MICAL3: variants seen among roughly 807,000 people sequenced by gnomAD.
The protein encoded by MICAL3 is microtubule associated monooxygenase, calponin and LIM domain containing 3.
In MICAL3, 62 loss-of-function variants were observed where a neutral mutation model predicts 207.4. The observed-to-expected ratio is 0.30, with a 90% CI of 0.24 to 0.37. MICAL3 has a LOEUF of 0.37. Among genes scored for constraint, MICAL3 ranks in the 10% least tolerant of loss-of-function variants. The pLI, the probability that MICAL3 is intolerant of heterozygous loss-of-function variation, is 1.00. For synonymous variants in MICAL3, 1,077 were observed against 1,069.3 expected (o/e 1.01, Z -0.14); for missense variants, 2,368 against 2,635.6 (o/e 0.90, Z 2.22).
At chr22:17,910,077 T>C (rs1207002952) in intron 1 of MICAL3, among the ~76,000 whole-genome samples, 5 of 152,150 alleles carry the variant, frequency 3.3e-5, no homozygotes, top group Non-Finnish European at 7.4e-5. Flanking sequence ...GAAAATGACT[T>C]TTCTTTGTTT....
At position 17,889,014 on chromosome 22, in the gene MICAL3, C is replaced by A; in HGVS notation, c.1891+20G>T. ...AGCACAGCAGCAGGGGGCCGCAAAG[C>A]AGCTCCTTCCAGGCCTTACCGCTAG... On this transcript the variant is annotated intron_variant, in intron 13 of 31. Coordinates refer to ENST00000441493, the MANE Select transcript of MICAL3 (RefSeq NM_015241.3). 6.4e-7 allele frequency: 1 copy of A among 1,561,008 alleles called. No individual in the cohort carries two copies. Among genetic ancestry groups the A allele is most frequent in the African/African-American group, 1.4e-5 (1 of 73,760 alleles).
At chr22:17,829,045 T>C (rs1049876748) in intron 21 of MICAL3, among the ~76,000 whole-genome samples, 6 of 152,120 alleles carry the variant, frequency 3.9e-5, no homozygotes, top group Non-Finnish European at 8.8e-5. Context: ...CTAGTCTCTA[T>C]AGATTTGTTG....
chr22:17,911,746 T>C lies in MICAL3; in HGVS notation c.-74-4860A>G, dbSNP rs531235850. Reference sequence around the variant, plus strand: ...ACATGCGAGGCTGAGGTGGGAGGATTGCTTGAGCCCAGGAGGTCGAAGCTG... The same window carrying C: ...ACATGCGAGGCTGAGGTGGGAGGATCGCTTGAGCCCAGGAGGTCGAAGCTG... On this transcript the variant is annotated intron_variant, in intron 1 of 31. Transcript: ENST00000441493. 8.5e-5 allele frequency among the ~76,000 whole-genome samples: 13 copies of C among 152,232 alleles called. No individual in the cohort carries two copies. The East Asian group carries it at 2.3e-3, about 27-fold the overall frequency.
chr22:17,864,343 A>G, intron 19 of MICAL3: 1 of 1,233,716 alleles, frequency 8.1e-7, no homozygotes, highest in Admixed American at 3.7e-5. Flanking sequence ...TGCAGGGCAG[A>G]CAGGAGAGCA....
Position 17,905,629 on chromosome 22 carries a change from C to T in MICAL3, c.265-790G>A, listed in dbSNP as rs375095093. On this transcript the variant is annotated intron_variant, in intron 2 of 31. Coordinates refer to ENST00000441493, the MANE Select transcript of MICAL3 (RefSeq NM_015241.3). ...CACTGGGGGTGGGGCTCTAGGTATC[C>T]CCTATTGCACAAATTAAAGCTCGTG... Among the ~76,000 whole-genome samples, 8 of 152,212 alleles carry T rather than the reference C, an allele frequency of 5.3e-5. No individual in the cohort carries two copies. The South Asian group carries it at 6.2e-4, about 12-fold the overall frequency.
chr22:17,859,426 G>T (rs1926272679), intron 19 of MICAL3, among the ~76,000 whole-genome samples: 1 of 152,220 alleles, frequency 6.6e-6, no homozygotes, highest in South Asian at 2.1e-4. Flanking sequence ...TCAGCATGAG[G>T]CTAGGCCTGT....
chr22:17,876,870 G>A (rs1231983402), intron 16 of MICAL3: 2 of 134,788 alleles, frequency 1.5e-5, no homozygotes, highest in East Asian at 2.2e-4. Context: ...GGTTAGGGAG[G>A]TTAGGGAGGT....
chr22:17,953,427 T>C (rs1269305854), intron 1 of MICAL3, among the ~76,000 whole-genome samples: 1 of 152,056 alleles, frequency 6.6e-6, no homozygotes. Context: ...AGGAGAACCC[T>C]TCCCTGGGAA....
chr22:17,882,118 A>G (rs2146210313), intron 16 of MICAL3, among the ~76,000 whole-genome samples: 1 of 152,292 alleles, frequency 6.6e-6, no homozygotes, highest in East Asian at 1.9e-4. Context: ...AGCTCCCATG[A>G]CAATCTACTT....
intron 20 of MICAL3, among the ~76,000 whole-genome samples, chr22:17,838,492 G>A (rs1045356471): frequency 3.4e-5 from 4 of 117,122 alleles, no homozygotes; most frequent in Non-Finnish European, 5.1e-5. Flanking sequence ...CAGTAACTCC[G>A]GGCATCAAGG....
At position 17,900,689 on chromosome 22, in the gene MICAL3, C is replaced by A. The variant is rs868719719; in HGVS notation, c.847+153G>T. On this transcript the variant is annotated intron_variant, in intron 6 of 31. Coordinates refer to ENST00000441493, the MANE Select transcript of MICAL3 (RefSeq NM_015241.3). The surrounding 1 kb of genome is among the most constrained non-coding windows in gnomAD (Gnocchi z 4.0). ...GAGACAAGTTCTGCAGGAAGCAATG[C>A]GCTAGGAAGAAGGAACAGGAGTGAA... Among the ~76,000 whole-genome samples the A allele has an allele frequency of 6.6e-6, 1 of 152,128 alleles. No individual in the cohort carries two copies. Among genetic ancestry groups the A allele is most frequent in the African/African-American group, 2.4e-5 (1 of 41,418 alleles).
intron 6 of MICAL3, 122 bp from the exon 7 acceptor site, chr22:17,899,670 T>C: frequency 6.0e-6 from 4 of 665,258 alleles, no homozygotes; most frequent in South Asian, 5.3e-5. Flanking sequence ...CAGGGAAAGG[T>C]GTCTAAGCCC....
chr22:17,992,138 G>A (rs931000180), intron 1 of MICAL3, among the ~76,000 whole-genome samples: 3 of 152,166 alleles, frequency 2.0e-5, no homozygotes, highest in Non-Finnish European at 4.4e-5. Context: ...TGAGTAGCTG[G>A]GCAAGGACAA....
intron 22 of MICAL3, among the ~76,000 whole-genome samples, chr22:17,826,262 C>G (rs1456524970): frequency 7.3e-6 from 1 of 136,618 alleles, no homozygotes; most frequent in East Asian, 2.0e-4. Flanking sequence ...CTCTGAGCTG[C>G]CCTGAAGGGG....
chr22:17,826,587 C>T lies in MICAL3; in HGVS notation c.3193+1057G>A, dbSNP rs180940104. On this transcript the variant is annotated intron_variant, in intron 22 of 31. Coordinates refer to ENST00000441493, the MANE Select transcript of MICAL3 (RefSeq NM_015241.3). The stretch of plus-strand genomic sequence containing the variant: ...CGTTCCCAACGAGGAGAGCCAAGGT[C>T]ATCCTTAAAATCCCAAAGAGAAAGA... The T allele has an allele frequency of 6.2e-6, 5 of 812,312 alleles. No individual in the cohort carries two copies. The African/African-American group carries it at 1.0e-4, about 16-fold the overall frequency. 50.3% of individuals were successfully genotyped at this position (812,312 alleles called of 1,614,324 possible). A position where few individuals can be genotyped will look rare whatever the true frequency, so the allele number is the denominator to read the frequency against.
chr22:18,003,310 T>C lies in MICAL3; in HGVS notation c.-75+20971A>G, dbSNP rs560572204. Among the ~76,000 whole-genome samples the C allele has an allele frequency of 2.1e-3, 316 of 152,256 alleles. 1 individual carries two copies. Among genetic ancestry groups the C allele is most frequent in the African/African-American group, 7.4e-3 (307 of 41,560 alleles). On this transcript the variant is annotated intron_variant, in intron 1 of 31. Coordinates refer to ENST00000441493, the MANE Select transcript of MICAL3 (RefSeq NM_015241.3). ...TAGAGAAGAATATTCTTCTTATGTG[T>C]GGGGCCCTCCACCTCCAAGTAGTTC... is the stretch of plus-strand genomic sequence containing the variant.
chr22:18,021,955 A>G (rs374182460), intron 1 of MICAL3, among the ~76,000 whole-genome samples: 4 of 152,308 alleles, frequency 2.6e-5, no homozygotes, highest in South Asian at 2.1e-4. Context: ...TTCTCTACTT[A>G]ACCCAAATGA....
intron 16 of MICAL3, chr22:17,876,799 T>G (rs1928473651): frequency 9.2e-6 from 1 of 108,580 alleles, no homozygotes; most frequent in African/African-American, 3.5e-5. Flanking sequence ...GTTAGGGAAG[T>G]TATGGAGGTT....
At chr22:17,969,135 CG>C (rs1204056692) in intron 1 of MICAL3, among the ~76,000 whole-genome samples, 4 of 151,990 alleles carry the variant, frequency 2.6e-5, no homozygotes, top group Admixed American at 1.3e-4. Flanking sequence ...CTCCACCTCC[CG>C]GGTTCAAGCA....
Sources: allele counts gnomAD v4.1 joint callset (sites outside exome capture counted in the v4.1 genomes callset), GRCh38; gene constraint gnomAD v4.1.1; non-coding constraint Gnocchi (gnomAD v3.1); transcripts MANE v1.5; gene names NCBI Gene and HGNC (gene_info 2026-07-23, HGNC 2026-07-21).